ERLIN1: variants seen among roughly 807,000 people sequenced by gnomAD.
ERLIN1 encodes erlin-1.
A neutral mutation model predicts 46.9 loss-of-function variants in ERLIN1; 24 were observed. The ratio of observed to expected loss-of-function variants is 0.51; its 90% confidence interval spans 0.37 to 0.72. The LOEUF (loss-of-function observed/expected upper bound fraction) is 0.72. Among genes scored for constraint, ERLIN1 ranks in the 30% least tolerant of loss-of-function variants. The pLI, the probability that ERLIN1 is intolerant of heterozygous loss-of-function variation, is 0.00. For missense variants in ERLIN1, 293 were observed against 417.9 expected (o/e 0.70, Z 2.61); for synonymous variants, 158 against 143.2 (o/e 1.10, Z -0.74).
rs757501295 is a variant in ERLIN1 at position 100,183,788 on chromosome 10, A to AC, written c.162dup (p.Leu55ValfsTer17). ...GATCTGAACGTAGTAATGAAAGGCA[A>AC]CATGATATGATAGCCTGGTCCACTG... On this transcript the variant is annotated frameshift_variant, in exon 2 of 11. Coordinates refer to ENST00000421367, the MANE Select transcript of ERLIN1 (RefSeq NM_006459.4). LOFTEE classifies it high-confidence loss of function. The AC allele has an allele frequency of 6.2e-7, 1 of 1,613,756 alleles. No individual in the cohort carries two copies. The highest frequency in any genetic ancestry group is 1.1e-5 in the South Asian group (1 of 91,068).
At chr10:100,154,794 G>T in intron 10 of ERLIN1, 66 bp downstream of exon 10, 3 of 1,234,240 alleles carry the variant, frequency 2.4e-6, no homozygotes, top group Non-Finnish European at 3.6e-6. Context: ...TCATATCAGA[G>T]CTCCTGAAAA....
intron 9 of ERLIN1, 75 bp downstream of exon 9, chr10:100,156,066 ACAAT>A: frequency 2.3e-6 from 2 of 859,380 alleles, no homozygotes; most frequent in Non-Finnish European, 3.9e-6. Flanking sequence ...CTCACCCACC[ACAAT>A]CAAAGGCCTG....
Position 100,151,941 on chromosome 10 carries a change from C to A in ERLIN1, c.*190G>T. 1.5e-6 allele frequency: 1 copy of A among 648,734 alleles called. No homozygotes were observed. Among genetic ancestry groups the A allele is most frequent in the South Asian group, 1.7e-5 (1 of 59,208 alleles). The allele number at this position is 648,734 out of a possible 1,614,324, so 40.2% of individuals were successfully genotyped here. Reference sequence around the variant, plus strand: ...TATAGGATACTTGATAAGACTGTGGCTGAAAAGACCATTTGTGTGTCAGAC... The same window carrying A: ...TATAGGATACTTGATAAGACTGTGGATGAAAAGACCATTTGTGTGTCAGAC... On this transcript the variant is annotated 3_prime_UTR_variant, in exon 11 of 11. Coordinates refer to ENST00000421367, the MANE Select transcript of ERLIN1 (RefSeq NM_006459.4).
At chr10:100,181,513 C>CT (rs34628060) in intron 2 of ERLIN1, among the ~76,000 whole-genome samples, 19,867 of 126,906 alleles carry the variant, frequency 0.16, 2,919 homozygotes, top group East Asian at 0.39. Flanking sequence ...TAAGAACACT[C>CT]TTTTTTTTTT....
chr10:100,185,761 T>C lies in ERLIN1; in HGVS notation c.-135A>G. The C allele has an allele frequency of 3.0e-6, 2 of 676,182 alleles. No individual in the cohort carries two copies. Among genetic ancestry groups the C allele is most frequent in the Non-Finnish European group, 5.3e-6 (2 of 378,626 alleles). The allele number at this position is 676,182 out of a possible 1,614,324, so 41.9% of individuals were successfully genotyped here. A position where few individuals can be genotyped will look rare whatever the true frequency, so the allele number is the denominator to read the frequency against. On this transcript the variant is annotated 5_prime_UTR_variant, in exon 1 of 11. Coordinates refer to ENST00000421367, the MANE Select transcript of ERLIN1 (RefSeq NM_006459.4). Reference sequence around the variant, plus strand: ...GCTGAGCCGGGGAGTCCAGTACCCCTGTCCCCTCATTCTTCCCTTCTGGCT... The same window carrying C: ...GCTGAGCCGGGGAGTCCAGTACCCCCGTCCCCTCATTCTTCCCTTCTGGCT...
intron 7 of ERLIN1, among the ~76,000 whole-genome samples, chr10:100,166,792 A>G (rs1843668493): frequency 6.6e-6 from 1 of 152,240 alleles, no homozygotes; most frequent in South Asian, 2.1e-4. Context: ...GTCAGAAACT[A>G]ATTTCATGTC....
chr10:100,166,943 T>C (rs1038600178), intron 7 of ERLIN1, among the ~76,000 whole-genome samples: 2 of 152,218 alleles, frequency 1.3e-5, no homozygotes, highest in Non-Finnish European at 2.9e-5. Context: ...AACCAAACTT[T>C]ATACCAACAA....
chr10:100,175,935 A>C lies in ERLIN1; in HGVS notation c.430+10T>G, dbSNP rs576921985. ...TGGCTATTTACATACATAAGAATTA[A>C]GACACTTACCAAACAATTCAATGTA... On this transcript the variant is annotated intron_variant, in intron 5 of 10. Transcript: ENST00000421367. The C allele has an allele frequency of 1.2e-6, 2 of 1,611,678 alleles. No homozygotes were observed. Among genetic ancestry groups the C allele is most frequent in the East Asian group, 2.2e-5 (1 of 44,856 alleles).
intron 6 of ERLIN1, among the ~76,000 whole-genome samples, chr10:100,169,974 TGCCACTGCACTCCA>T (rs1843892817): frequency 6.6e-6 from 1 of 151,966 alleles, no homozygotes; most frequent in Non-Finnish European, 1.5e-5. Context: ...CCTATGATCA[TGCCACTGCACTCCA>T]GCCTGGGCAA....
rs11190411 is a variant in ERLIN1 at position 100,171,937 on chromosome 10, A to T, written c.504+2271T>A. On this transcript the variant is annotated intron_variant, in intron 6 of 10. Transcript: ENST00000421367. ...ATGCAATCAAATGTGTAAGAACTAC[A>T]GCTTACCAACACTGCTAATGAGGGG... is the stretch of plus-strand genomic sequence containing the variant. Among the ~76,000 whole-genome samples, 3,343 of 152,314 alleles carry T rather than the reference A, an allele frequency of 0.022. 202 individuals are homozygous for T. The East Asian group carries it at 0.28, about 13-fold the overall frequency.
intron 5 of ERLIN1, among the ~76,000 whole-genome samples, chr10:100,175,207 G>A (rs1276350112): frequency 6.6e-6 from 1 of 152,184 alleles, no homozygotes; most frequent in Admixed American, 6.5e-5. Context: ...TTGTAAACTC[G>A]TCCTTGGTTG....
intron 8 of ERLIN1, among the ~76,000 whole-genome samples, chr10:100,160,249 GT>G: frequency 1.3e-5 from 2 of 152,148 alleles, no homozygotes; most frequent in South Asian, 4.1e-4. Context: ...TAGATTAACT[GT>G]TACCACAAAA....
intron 5 of ERLIN1, among the ~76,000 whole-genome samples, 166 bp from the exon 6 acceptor site, chr10:100,174,447 C>T (rs996035487): frequency 6.6e-6 from 1 of 152,080 alleles, no homozygotes; most frequent in Non-Finnish European, 1.5e-5. Flanking sequence ...AAAAAAATTG[C>T]AAGGAATTAT....
At chr10:100,156,122 T>C in intron 9 of ERLIN1, 23 bp downstream of exon 9, 4 of 1,521,658 alleles carry the variant, frequency 2.6e-6, no homozygotes, top group Non-Finnish European at 3.6e-6. Flanking sequence ...CAGGCAGAGC[T>C]TCATCCTCTC....
In ERLIN1 at chr10:100,151,919, A is replaced by C; in HGVS notation, c.*212T>G. Reference sequence around the variant, plus strand: ...TAGCAGTTTAGAAAGGAATACATATAGGATACTTGATAAGACTGTGGCTGA... The same window carrying C: ...TAGCAGTTTAGAAAGGAATACATATCGGATACTTGATAAGACTGTGGCTGA... On this transcript the variant is annotated 3_prime_UTR_variant, in exon 11 of 11. Transcript: ENST00000421367. 1.6e-6 allele frequency: 1 copy of C among 606,652 alleles called. No individual in the cohort carries two copies. Among genetic ancestry groups the C allele is most frequent in the East Asian group, 2.9e-5 (1 of 34,818 alleles). 37.6% of individuals were successfully genotyped at this position (606,652 alleles called of 1,614,324 possible). A position where few individuals can be genotyped will look rare whatever the true frequency, so the allele number is the denominator to read the frequency against.
intron 6 of ERLIN1, among the ~76,000 whole-genome samples, chr10:100,169,204 C>G (rs940287368): frequency 6.6e-6 from 1 of 152,164 alleles, no homozygotes; most frequent in African/African-American, 2.4e-5. Flanking sequence ...GAGAGCTATT[C>G]TCCTTTCTGT....
chr10:100,155,567 T>G (rs566268963), intron 9 of ERLIN1, among the ~76,000 whole-genome samples: 1 of 151,870 alleles, frequency 6.6e-6, no homozygotes, highest in South Asian at 2.1e-4. Context: ...CAGGCTGGAG[T>G]GCAGTGGCGG....
chr10:100,176,549 G>A (rs573464637), intron 4 of ERLIN1, among the ~76,000 whole-genome samples: 223 of 150,172 alleles, frequency 1.5e-3, no homozygotes, highest in Admixed American at 3.7e-3. Flanking sequence ...GAAAGCAGTT[G>A]CAAAAGACCG....
intron 8 of ERLIN1, among the ~76,000 whole-genome samples, chr10:100,157,190 T>A (rs1167195914): frequency 6.6e-6 from 1 of 152,208 alleles, no homozygotes; most frequent in Admixed American, 6.5e-5. Flanking sequence ...TTTACTATAC[T>A]CAGGATCTAC....
Sources: allele counts gnomAD v4.1 joint callset (sites outside exome capture counted in the v4.1 genomes callset), GRCh38; gene constraint gnomAD v4.1.1; transcripts MANE v1.5; gene names NCBI Gene and HGNC (gene_info 2026-07-23, HGNC 2026-07-21).